Variants in NRXN3 observed in about 807,000 individuals in gnomAD.
The protein encoded by NRXN3 is neurexin III.
Under a neutral mutation model 137.6 loss-of-function variants are expected in NRXN3, and 32 were observed. The observed-to-expected ratio is 0.23, with a 90% CI of 0.18 to 0.31. The LOEUF is 0.31. Ranked by LOEUF, NRXN3 falls within the 10% of genes least tolerant of loss-of-function variation. NRXN3 has a pLI of 1.00. For missense variants in NRXN3, 1,574 were observed against 2,062.5 expected, an observed-to-expected ratio of 0.76 and a Z score of 4.59; for synonymous variants, 798 against 784.5, an observed-to-expected ratio of 1.02 and a Z score of -0.29.
At chr14:78,741,330 G>C (rs984507891) in intron 8 of NRXN3, among the ~76,000 whole-genome samples, 2 of 152,124 alleles carry the variant, frequency 1.3e-5, no homozygotes, top group African/African-American at 4.8e-5. Flanking sequence ...GAACGAAGTG[G>C]ACTCTTCAGC....
chr14:79,775,382 G>A (rs996639267), intron 19 of NRXN3, among the ~76,000 whole-genome samples: 1 of 151,890 alleles, frequency 6.6e-6, no homozygotes, highest in Non-Finnish European at 1.5e-5. Flanking sequence ...ATTCAGATAG[G>A]CATTACTGTT....
intron 11 of NRXN3, among the ~76,000 whole-genome samples, chr14:78,958,572 G>C (rs149503746): frequency 3.9e-5 from 6 of 152,048 alleles, no homozygotes; most frequent in Non-Finnish European, 7.4e-5. Context: ...AGCCAGGATG[G>C]TCTCCATCTC....
chr14:79,051,565 G>A (rs957740702), intron 15 of NRXN3, among the ~76,000 whole-genome samples: 1 of 152,146 alleles, frequency 6.6e-6, no homozygotes, highest in Non-Finnish European at 1.5e-5. Context: ...AATTTCCTTG[G>A]AGAAACATTT....
chr14:78,451,309 A>G (rs1173650402), intron 4 of NRXN3, among the ~76,000 whole-genome samples: 1 of 152,228 alleles, frequency 6.6e-6, no homozygotes, highest in African/African-American at 2.4e-5. Flanking sequence ...AAACAAACCT[A>G]AACCAAACAA....
intron 15 of NRXN3, among the ~76,000 whole-genome samples, chr14:79,370,985 C>T (rs1166057741): frequency 1.3e-5 from 2 of 152,166 alleles, no homozygotes; most frequent in African/African-American, 4.8e-5. Flanking sequence ...ATATCATCCT[C>T]AGAGTCATAC....
chr14:78,914,189 T>G (rs376905918), intron 10 of NRXN3, among the ~76,000 whole-genome samples: 4 of 152,180 alleles, frequency 2.6e-5, no homozygotes, highest in African/African-American at 9.6e-5. Context: ...TGTGTGTGCA[T>G]GGATTGGTGA....
chr14:79,481,117 T>C (rs2096604108), intron 16 of NRXN3, among the ~76,000 whole-genome samples: 1 of 148,358 alleles, frequency 6.7e-6, no homozygotes, highest in Non-Finnish European at 1.5e-5. Flanking sequence ...ACAAACTCCC[T>C]GTCCTCATGG....
intron 4 of NRXN3, among the ~76,000 whole-genome samples, chr14:78,516,246 G>A (rs2096204748): frequency 6.6e-6 from 1 of 151,592 alleles, no homozygotes; most frequent in South Asian, 2.1e-4. Context: ...TATTCAAAAA[G>A]CGTAAAGATT....
chr14:78,682,937 T>C (rs1292218704), intron 6 of NRXN3, among the ~76,000 whole-genome samples: 10 of 152,228 alleles, frequency 6.6e-5, no homozygotes, highest in Admixed American at 4.6e-4. Context: ...AGAAATTTAC[T>C]AGTGACTTAG....
intron 4 of NRXN3, among the ~76,000 whole-genome samples, chr14:78,474,719 C>T (rs1599147435): frequency 6.6e-6 from 1 of 152,146 alleles, no homozygotes; most frequent in Non-Finnish European, 1.5e-5. Flanking sequence ...AGTTCCCTAC[C>T]ATAAGGGCTA....
At chr14:79,551,676 GGGACTGGCTTTTGAACAGCAGCT>G (rs1244800606) in intron 16 of NRXN3, among the ~76,000 whole-genome samples, 1 of 152,166 alleles carries the variant, frequency 6.6e-6, no homozygotes, top group African/African-American at 2.4e-5. Flanking sequence ...TCAAGCCCCA[GGGACTGGCTTTTGAACAGCAGCT>G]GTTCTCAGTG....
At chr14:78,660,810 A>G (rs1258498468) in intron 6 of NRXN3, among the ~76,000 whole-genome samples, 1 of 152,200 alleles carries the variant, frequency 6.6e-6, no homozygotes, top group Non-Finnish European at 1.5e-5. Context: ...TTGCAGCAGG[A>G]AGCCCTAGGT....
intron 8 of NRXN3, among the ~76,000 whole-genome samples, chr14:78,755,891 C>G (rs2098665966): frequency 6.6e-6 from 1 of 152,120 alleles, no homozygotes; most frequent in Admixed American, 6.5e-5. Context: ...TATAGATACA[C>G]ATTTTTCTAA....
chr14:79,278,446 C>T (rs2080668150), intron 15 of NRXN3, among the ~76,000 whole-genome samples: 1 of 152,206 alleles, frequency 6.6e-6, no homozygotes, highest in South Asian at 2.1e-4. Context: ...AGGACAGGTG[C>T]TGCCATTCTG....
chr14:79,512,023 C>T (rs988425600), intron 16 of NRXN3, among the ~76,000 whole-genome samples: 1 of 152,124 alleles, frequency 6.6e-6, no homozygotes, highest in Non-Finnish European at 1.5e-5. Flanking sequence ...TCTCAGCCTC[C>T]CAAGTAGCTG....
intron 16 of NRXN3, among the ~76,000 whole-genome samples, chr14:79,498,315 T>C (rs764885297): frequency 7.2e-5 from 11 of 152,140 alleles, no homozygotes; most frequent in African/African-American, 9.7e-5. Context: ...TTATCGAGGA[T>C]CCCTTGGGGA....
intron 8 of NRXN3, among the ~76,000 whole-genome samples, chr14:78,778,738 CTT>C (rs1423775124): frequency 3.0e-5 from 4 of 134,390 alleles, no homozygotes; most frequent in East Asian, 2.1e-4. Context: ...TTCTCTCTCT[CTT>C]TCTTTCTTTC....
At chr14:78,989,793 G>A (rs547075202) in intron 15 of NRXN3, among the ~76,000 whole-genome samples, 10 of 152,146 alleles carry the variant, frequency 6.6e-5, no homozygotes, top group African/African-American at 1.2e-4. Flanking sequence ...TCGCATATAC[G>A]TCCCTTTCTG....
intron 8 of NRXN3, among the ~76,000 whole-genome samples, chr14:78,728,194 G>T (rs1042318461): frequency 6.6e-6 from 1 of 152,202 alleles, no homozygotes; most frequent in Non-Finnish European, 1.5e-5. Context: ...CTCCTGCTGT[G>T]TGGGTCAGAA....
Sources: allele counts gnomAD v4.1 joint callset (sites outside exome capture counted in the v4.1 genomes callset), GRCh38; gene constraint gnomAD v4.1.1; transcripts MANE v1.5; gene names NCBI Gene and HGNC (gene_info 2026-07-23, HGNC 2026-07-21).